ADAMTS6: variants seen among roughly 807,000 people sequenced by gnomAD.
ADAMTS6 encodes A disintegrin and metalloproteinase with thrombospondin motifs 6.
In ADAMTS6, 23 loss-of-function variants were observed where a neutral mutation model predicts 144.3. That is an observed-to-expected ratio of 0.16 (90% confidence interval 0.11 to 0.23). The LOEUF (loss-of-function observed/expected upper bound fraction) is 0.23. Ranked by LOEUF, ADAMTS6 falls within the 10% of genes least tolerant of loss-of-function variation. ADAMTS6 has a pLI of 1.00. For missense variants in ADAMTS6, 999 were observed against 1,379.6 expected (o/e 0.72, Z 4.37); for synonymous variants, 444 against 457.5 (o/e 0.97, Z 0.38).
At chr5:65,200,437 C>G (rs1450603585) in intron 20 of ADAMTS6, among the ~76,000 whole-genome samples, 1 of 152,152 alleles carries the variant, frequency 6.6e-6, no homozygotes, top group Non-Finnish European at 1.5e-5. Flanking sequence ...TTAAAGTAGT[C>G]TGTAAAACAT....
chr5:65,405,515 T>C (rs1234472897), intron 7 of ADAMTS6, among the ~76,000 whole-genome samples: 2 of 152,156 alleles, frequency 1.3e-5, no homozygotes, highest in Non-Finnish European at 2.9e-5. Flanking sequence ...ATCTCTGTTT[T>C]GGTACCAGTA....
At chr5:65,200,287 T>C (rs936917626) in intron 20 of ADAMTS6, among the ~76,000 whole-genome samples, 8 of 152,176 alleles carry the variant, frequency 5.3e-5, no homozygotes, top group African/African-American at 1.9e-4. Context: ...CACATACTTT[T>C]GAATTAAGGA....
rs866508806 is a variant in ADAMTS6, at chr5:65,324,504, A to T, written c.1223+4874T>A. ...TAAACAGGAAGCAACAGATGAGAAA[A>T]TATCATGATATATACACATATATAA... is the stretch of plus-strand genomic sequence containing the variant. On this transcript the variant is annotated intron_variant, in intron 9 of 24. Coordinates refer to ENST00000381055, the MANE Select transcript of ADAMTS6 (RefSeq NM_197941.4). Among the ~76,000 whole-genome samples, 10 of 151,902 alleles carry T rather than the reference A, an allele frequency of 6.6e-5. No individual in the cohort carries two copies. In the Middle Eastern group the frequency reaches 0.017, roughly 260 times the overall value.
At chr5:65,365,491 C>CA (rs1456950805) in intron 7 of ADAMTS6, among the ~76,000 whole-genome samples, 2 of 151,752 alleles carry the variant, frequency 1.3e-5, no homozygotes, top group Non-Finnish European at 2.9e-5. Context: ...ACTAAAAACA[C>CA]AAAAAATTAG....
intron 7 of ADAMTS6, among the ~76,000 whole-genome samples, chr5:65,391,685 T>C (rs1580581340): frequency 6.6e-6 from 1 of 152,148 alleles, no homozygotes; most frequent in Non-Finnish European, 1.5e-5. Flanking sequence ...CATATCTCTT[T>C]AGTCTCTTTT....
intron 7 of ADAMTS6, among the ~76,000 whole-genome samples, chr5:65,350,938 G>T (rs1748796662): frequency 6.6e-6 from 1 of 152,134 alleles, no homozygotes; most frequent in Non-Finnish European, 1.5e-5. Context: ...GTGAGCCACT[G>T]AACCCGGCCT....
intron 11 of ADAMTS6, among the ~76,000 whole-genome samples, chr5:65,275,228 A>G (rs1364926170): frequency 2.7e-5 from 4 of 147,926 alleles, no homozygotes; most frequent in African/African-American, 9.8e-5. Flanking sequence ...AAAAAAAAAA[A>G]AAAAAAAAAA....
At chr5:65,316,305 C>T (rs980191679) in intron 9 of ADAMTS6, among the ~76,000 whole-genome samples, 9 of 152,104 alleles carry the variant, frequency 5.9e-5, no homozygotes, top group Non-Finnish European at 1.2e-4. Flanking sequence ...ACCTGAACAG[C>T]ACCATCAATT....
chr5:65,314,168 T>C (rs1744763014), intron 9 of ADAMTS6, among the ~76,000 whole-genome samples: 1 of 152,104 alleles, frequency 6.6e-6, no homozygotes, highest in Admixed American at 6.6e-5. Flanking sequence ...TGCAGAGTGA[T>C]GAAAACTCTT....
chr5:65,424,365 T>C (rs1408633293), intron 7 of ADAMTS6, among the ~76,000 whole-genome samples: 2 of 152,240 alleles, frequency 1.3e-5, no homozygotes, highest in African/African-American at 4.8e-5. Flanking sequence ...TTAAGTGTGC[T>C]CAAACTCATC....
chr5:65,266,881 T>C (rs1305113539), intron 12 of ADAMTS6, among the ~76,000 whole-genome samples: 1 of 152,102 alleles, frequency 6.6e-6, no homozygotes, highest in African/African-American at 2.4e-5. Context: ...ATGTAGTATA[T>C]GATTTTAAGA....
At chr5:65,475,133 A>G (rs1760755496) in intron 1 of ADAMTS6, among the ~76,000 whole-genome samples, 2 of 152,202 alleles carry the variant, frequency 1.3e-5, no homozygotes, top group Admixed American at 6.5e-5. Context: ...TGGATGAGTA[A>G]AAGAATGAAT....
intron 9 of ADAMTS6, among the ~76,000 whole-genome samples, chr5:65,310,981 T>C (rs1561408194): frequency 2.0e-5 from 3 of 151,920 alleles, no homozygotes; most frequent in African/African-American, 7.3e-5. Flanking sequence ...TGATCAAGAG[T>C]TGGAGTAAGA....
At chr5:65,274,004 G>A (rs946118123) in intron 11 of ADAMTS6, among the ~76,000 whole-genome samples, 47 of 152,146 alleles carry the variant, frequency 3.1e-4, no homozygotes, top group Admixed American at 1.1e-3. Context: ...ATCTAACAAC[G>A]TTATTTTCAG....
intron 9 of ADAMTS6, among the ~76,000 whole-genome samples, chr5:65,300,992 C>T (rs929087275): frequency 3.3e-5 from 5 of 152,074 alleles, no homozygotes; most frequent in Admixed American, 1.3e-4. Context: ...AATTTGTGGT[C>T]GTTTGTATGT....
At chr5:65,313,329 T>C (rs184523132) in intron 9 of ADAMTS6, among the ~76,000 whole-genome samples, 21 of 152,266 alleles carry the variant, frequency 1.4e-4, no homozygotes, top group Admixed American at 2.6e-4. Context: ...CTAAAGAATG[T>C]CTTTACGTTA....
At chr5:65,363,283 A>G (rs888374417) in intron 7 of ADAMTS6, among the ~76,000 whole-genome samples, 6 of 152,168 alleles carry the variant, frequency 3.9e-5, no homozygotes, top group African/African-American at 1.4e-4. Flanking sequence ...AAATATGGTT[A>G]TTTCTATTTT....
chr5:65,385,236 C>T (rs1453783866), intron 7 of ADAMTS6, among the ~76,000 whole-genome samples: 1 of 152,184 alleles, frequency 6.6e-6, no homozygotes. Flanking sequence ...TATTTGTTTA[C>T]TTGTTTATTG....
chr5:65,160,983 C>T (rs542229402), intron 24 of ADAMTS6, among the ~76,000 whole-genome samples: 8 of 150,316 alleles, frequency 5.3e-5, no homozygotes, highest in African/African-American at 9.8e-5. Context: ...TCCTACAAAC[C>T]GTAACAGACC....
Sources: gnomAD v4.1 joint callset for allele counts (sites outside exome capture counted in the v4.1 genomes callset) on GRCh38, gnomAD v4.1.1 for gene constraint, MANE v1.5 for transcripts, NCBI Gene and HGNC (gene_info 2026-07-23, HGNC 2026-07-21) for gene names.